The following SOX5 variants were observed in gnomAD, a reference collection of about 807,000 sequenced individuals.
The protein encoded by SOX5 is transcription factor SOX-5.
In SOX5, 9 loss-of-function variants were observed where a neutral mutation model predicts 92.0. The observed-to-expected ratio is 0.10, with a 90% CI of 0.06 to 0.17. SOX5 has a LOEUF of 0.17. SOX5 is among the 10% of genes least tolerant of loss of function. The probability of loss-of-function intolerance (pLI) is 1.00; values close to 1 mark genes in which losing one functional copy is unlikely to be tolerated. For missense variants in SOX5, 642 were observed against 944.5 expected (o/e 0.68, Z 4.20); for synonymous variants, 344 against 336.3 (o/e 1.02, Z -0.25).
chr12:24,168,996 G>A (rs1953757673), intron 4 of SOX5, among the ~76,000 whole-genome samples: 1 of 152,088 alleles, frequency 6.6e-6, no homozygotes, highest in Non-Finnish European at 1.5e-5. Context: ...AGATAGGGTA[G>A]GTGTAGCTCT....
In SOX5 at chr12:23,701,079, T is replaced by C. The variant is rs117457496; in HGVS notation, c.810+33605A>G. On this transcript the variant is annotated intron_variant, in intron 6 of 14. Coordinates refer to ENST00000451604, the MANE Select transcript of SOX5 (RefSeq NM_006940.6). ...GTTTTCACTTGTTTTAATCTGTAAT[T>C]TCATCCTGAACCAATAGATTTTTGA... 8.5e-4 allele frequency among the ~76,000 whole-genome samples: 129 copies of C among 152,156 alleles called. 1 individual carries two copies. In the East Asian group the frequency reaches 0.023, roughly 27 times the overall value.
chr12:23,781,312 A>C (rs2141770747), intron 3 of SOX5, among the ~76,000 whole-genome samples: 1 of 151,686 alleles, frequency 6.6e-6, no homozygotes, highest in East Asian at 1.9e-4. Flanking sequence ...TAACCACAGG[A>C]CTAAAAGCTG....
At chr12:23,811,415 C>T (rs2095873277) in intron 3 of SOX5, among the ~76,000 whole-genome samples, 1 of 152,074 alleles carries the variant, frequency 6.6e-6, no homozygotes, top group Non-Finnish European at 1.5e-5. Context: ...AATACCTGCC[C>T]TATTTAAAAG....
intron 1 of SOX5, among the ~76,000 whole-genome samples, chr12:24,464,684 C>A (rs894823942): frequency 5.9e-5 from 9 of 152,158 alleles, no homozygotes; most frequent in African/African-American, 2.2e-4. Context: ...TGCACGCACT[C>A]TTCTAATCAC....
At chr12:23,676,164 G>A (rs1021738207) in intron 6 of SOX5, among the ~76,000 whole-genome samples, 5 of 151,948 alleles carry the variant, frequency 3.3e-5, no homozygotes, top group African/African-American at 4.8e-5. Context: ...GCATGAGAGC[G>A]ATAATTAATA....
chr12:23,784,618 G>A (rs1315014679), intron 3 of SOX5, among the ~76,000 whole-genome samples: 1 of 152,128 alleles, frequency 6.6e-6, no homozygotes, highest in Non-Finnish European at 1.5e-5. Context: ...GAGCCAACAT[G>A]CCTGGCCGAT....
chr12:23,941,326 T>C lies in SOX5; in HGVS notation c.38+8238A>G, dbSNP rs185836342. ...TAAATTGCTATCAGGATCTTTTGGA[T>C]ATGCTTTTATTTCTCTAGAAGAATG... On this transcript the variant is annotated intron_variant, in intron 1 of 14. Transcript: ENST00000451604. Among the ~76,000 whole-genome samples, 18 of 151,752 alleles carry C rather than the reference T, an allele frequency of 1.2e-4. No individual in the cohort carries two copies. The East Asian group carries it at 2.9e-3, about 25-fold the overall frequency.
rs79646996 is a variant in SOX5, at chr12:24,470,201, G to A, written c.-251+92128C>T. Among the ~76,000 whole-genome samples the A allele has an allele frequency of 6.4e-3, 980 of 152,262 alleles. 6 individuals carry two copies. Among genetic ancestry groups the A allele is most frequent in the African/African-American group, 0.023 (942 of 41,564 alleles). ...TTCCTACTAATTCTAGGTTTAGAAT[G>A]TACTTTGAATTTGATTGCCCAATTA... On this transcript the variant is annotated intron_variant, in intron 1 of 4. Coordinates refer to the SOX5 transcript ENST00000446891.
At chr12:24,384,812 A>C (rs1458593731) in intron 1 of SOX5, among the ~76,000 whole-genome samples, 1 of 152,184 alleles carries the variant, frequency 6.6e-6, no homozygotes, top group African/African-American at 2.4e-5. Flanking sequence ...AGATTTCAGC[A>C]AGGGATCTCC....
At chr12:23,939,741 G>A (rs377342371) in intron 1 of SOX5, among the ~76,000 whole-genome samples, 3 of 149,910 alleles carry the variant, frequency 2.0e-5, no homozygotes, top group East Asian at 2.0e-4. Context: ...TTGTTCTCTC[G>A]ATACAGCTTT....
intron 11 of SOX5, among the ~76,000 whole-genome samples, chr12:23,562,056 T>C (rs1946301397): frequency 6.6e-6 from 1 of 152,200 alleles, no homozygotes; most frequent in Non-Finnish European, 1.5e-5. Context: ...TAAATTCCTT[T>C]ATGCTTGCTA....
At chr12:23,597,213 C>T (rs1162150092) in intron 9 of SOX5, among the ~76,000 whole-genome samples, 1 of 152,210 alleles carries the variant, frequency 6.6e-6, no homozygotes. Context: ...TACTGGGATA[C>T]ACAGCCCAGG....
At chr12:23,729,221 T>C (rs1166001527) in intron 6 of SOX5, among the ~76,000 whole-genome samples, 3 of 152,148 alleles carry the variant, frequency 2.0e-5, no homozygotes, top group Non-Finnish European at 4.4e-5. Flanking sequence ...TTAGGTATTA[T>C]ATTTCCTTTT....
intron 2 of SOX5, among the ~76,000 whole-genome samples, chr12:24,362,993 A>G (rs1470226218): frequency 6.6e-6 from 1 of 152,110 alleles, no homozygotes; most frequent in Non-Finnish European, 1.5e-5. Context: ...ATTCACAGAT[A>G]CGTAAAAACA....
intron 4 of SOX5, among the ~76,000 whole-genome samples, chr12:24,180,904 C>A: frequency 6.6e-6 from 1 of 152,202 alleles, no homozygotes; most frequent in East Asian, 1.9e-4. Flanking sequence ...ACCCATGGCT[C>A]ACACAGGAGA....
intron 1 of SOX5, among the ~76,000 whole-genome samples, chr12:24,392,132 C>T (rs1329570398): frequency 3.3e-5 from 5 of 152,164 alleles, no homozygotes; most frequent in Non-Finnish European, 5.9e-5. Flanking sequence ...CACATCTTGA[C>T]TTCTCACAAC....
intron 1 of SOX5, among the ~76,000 whole-genome samples, chr12:23,899,105 AG>A (rs1209767801): frequency 6.6e-6 from 1 of 152,178 alleles, no homozygotes; most frequent in Non-Finnish European, 1.5e-5. Flanking sequence ...GGCAGAAAAA[AG>A]TCTCATTAAG....
chr12:23,586,956 C>A (rs1204375889), intron 9 of SOX5, among the ~76,000 whole-genome samples: 1 of 150,694 alleles, frequency 6.6e-6, no homozygotes, highest in Non-Finnish European at 1.5e-5. Flanking sequence ...TACCTGAGAA[C>A]TTCTCCCTAC....
intron 4 of SOX5, among the ~76,000 whole-genome samples, chr12:23,981,118 C>G (rs1949532658): frequency 6.6e-6 from 1 of 152,098 alleles, no homozygotes; most frequent in Admixed American, 6.6e-5. Flanking sequence ...ATGGTAGGGA[C>G]TTTCAATCAG....
Sources: gnomAD v4.1 joint callset for allele counts (sites outside exome capture counted in the v4.1 genomes callset) on GRCh38, gnomAD v4.1.1 for gene constraint, MANE v1.5 for transcripts, NCBI Gene and HGNC (gene_info 2026-07-23, HGNC 2026-07-21) for gene names.